PIBF1: variants seen among roughly 807,000 people sequenced by gnomAD.
PIBF1 encodes progesterone immunomodulatory binding factor 1.
In PIBF1, 90 loss-of-function variants were observed where a neutral mutation model predicts 112.5. The ratio of observed to expected loss-of-function variants is 0.80; its 90% CI spans 0.67 to 0.95. PIBF1 has a LOEUF of 0.95. Ranked by LOEUF, PIBF1 falls within the 40% of genes least tolerant of loss-of-function variation. The pLI is 0.00. For synonymous variants in PIBF1, 301 were observed against 288.6 expected (o/e 1.04, Z -0.44); for missense variants, 915 against 852.3 (o/e 1.07, Z -0.92).
intron 9 of PIBF1, 115 bp downstream of exon 9, chr13:72,835,483 ACTT>A (rs2037316422): frequency 2.7e-6 from 2 of 744,456 alleles, no homozygotes; most frequent in African/African-American, 1.9e-5. Flanking sequence ...ATTAGAGAAA[ACTT>A]GTCATAAATT....
At chr13:72,842,442 A>C (rs746505003) in intron 9 of PIBF1, among the ~76,000 whole-genome samples, 9 of 152,192 alleles carry the variant, frequency 5.9e-5, no homozygotes, top group Non-Finnish European at 1.3e-4. Context: ...TAGTGATTTT[A>C]TTTTCCTGCC....
chr13:72,895,609 G>C (rs1180662940), intron 11 of PIBF1, among the ~76,000 whole-genome samples: 1 of 152,078 alleles, frequency 6.6e-6, no homozygotes, highest in African/African-American at 2.4e-5. Context: ...AGATAGGTCT[G>C]TGTGTTGTTT....
intron 10 of PIBF1, among the ~76,000 whole-genome samples, chr13:72,877,991 C>A (rs201864109): frequency 1.3e-5 from 2 of 152,086 alleles, no homozygotes; most frequent in South Asian, 4.2e-4. Flanking sequence ...TCAGGTGATC[C>A]GCCCACCTCG....
intron 15 of PIBF1, chr13:72,970,849 C>T (rs931696322): frequency 8.6e-5 from 13 of 151,910 alleles, no homozygotes; most frequent in African/African-American, 1.9e-4. Flanking sequence ...CCCTGTGGTT[C>T]GAGTATATTA....
At chr13:72,885,961 C>G (rs1316022169) in intron 10 of PIBF1, among the ~76,000 whole-genome samples, 1 of 152,140 alleles carries the variant, frequency 6.6e-6, no homozygotes, top group Admixed American at 6.6e-5. Flanking sequence ...TTTCAGAACA[C>G]TAATTTGGAT....
At position 72,799,383 on chromosome 13, in the gene PIBF1, G is replaced by A. The variant is rs527856468; in HGVS notation, c.672+1357G>A. ...GATAATTTACTTAAGTCTTGCCATA[G>A]AACCAATATTTCAGACAAAATAAGA... On this transcript the variant is annotated intron_variant, in intron 5 of 17. Coordinates refer to ENST00000326291, the MANE Select transcript of PIBF1 (RefSeq NM_006346.4). 3.3e-5 allele frequency among the ~76,000 whole-genome samples: 5 copies of A among 152,218 alleles called. No individual in the cohort carries two copies. The East Asian group carries it at 9.6e-4, about 29-fold the overall frequency.
At chr13:72,885,045 A>C (rs2039790116) in intron 10 of PIBF1, among the ~76,000 whole-genome samples, 1 of 152,124 alleles carries the variant, frequency 6.6e-6, no homozygotes, top group Non-Finnish European at 1.5e-5. Flanking sequence ...ATTGTGTATA[A>C]AATTTGTAAT....
At chr13:72,856,637 C>T (rs984963132) in intron 10 of PIBF1, among the ~76,000 whole-genome samples, 18 of 152,022 alleles carry the variant, frequency 1.2e-4, no homozygotes, top group African/African-American at 4.3e-4. Flanking sequence ...TCAAAATAAG[C>T]TTAGGCTTTA....
chr13:72,973,576 G>GTT lies in PIBF1; in HGVS notation c.1965-15_1965-14insTT. On this transcript the variant is annotated splice_polypyrimidine_tract_variant and intron_variant, in intron 15 of 17. Transcript: ENST00000326291. The stretch of plus-strand genomic sequence containing the variant: ...TAACATAATGACTTTTTAAAACTGG[G>GTT]GTTTTTTTTTTCAGCAACTTAAATA... The GTT allele has an allele frequency of 7.2e-7, 1 of 1,395,252 alleles. No individual in the cohort carries two copies. The highest frequency in any genetic ancestry group is 1.3e-5 in the South Asian group (1 of 77,570). The allele number at this position is 1,395,252 out of a possible 1,614,324, so 86.4% of individuals were successfully genotyped here.
chr13:73,001,712 C>T (rs769290547), intron 17 of PIBF1, among the ~76,000 whole-genome samples: 27 of 148,862 alleles, frequency 1.8e-4, no homozygotes, highest in Non-Finnish European at 3.7e-4. Flanking sequence ...CAACCTCTGC[C>T]TCCCAGGTTC....
chr13:72,854,349 T>A (rs2038315647), intron 10 of PIBF1, among the ~76,000 whole-genome samples, 194 bp downstream of exon 10: 1 of 152,246 alleles, frequency 6.6e-6, no homozygotes, highest in Admixed American at 6.5e-5. Context: ...TGCAATTGCT[T>A]TATTTTTACA....
chr13:72,891,225 C>T (rs1348557182), intron 10 of PIBF1, among the ~76,000 whole-genome samples: 1 of 152,014 alleles, frequency 6.6e-6, no homozygotes, highest in Non-Finnish European at 1.5e-5. Flanking sequence ...TTGGAGTTGG[C>T]AGTGATATCC....
chr13:72,811,723 A>G (rs1205037797), intron 5 of PIBF1, among the ~76,000 whole-genome samples: 1 of 152,166 alleles, frequency 6.6e-6, no homozygotes, highest in Non-Finnish European at 1.5e-5. Context: ...ATTACGTTAC[A>G]ACTTGGACTT....
intron 10 of PIBF1, among the ~76,000 whole-genome samples, chr13:72,891,146 A>G (rs998846053): frequency 6.6e-6 from 1 of 152,136 alleles, no homozygotes; most frequent in Non-Finnish European, 1.5e-5. Flanking sequence ...TAGTGCCAAA[A>G]GTAACTTTCA....
chr13:72,799,663 T>C (rs533062420), intron 5 of PIBF1, among the ~76,000 whole-genome samples: 4 of 152,364 alleles, frequency 2.6e-5, no homozygotes, highest in Admixed American at 1.3e-4. Flanking sequence ...AAATCATTTA[T>C]ACTCTATTGT....
At chr13:72,951,582 G>A (rs972345407) in intron 14 of PIBF1, among the ~76,000 whole-genome samples, 3 of 152,132 alleles carry the variant, frequency 2.0e-5, no homozygotes, top group South Asian at 4.1e-4. Context: ...AAAGGGCTAC[G>A]TACGGTATGA....
At chr13:72,818,604 C>G (rs1367473885) in intron 5 of PIBF1, among the ~76,000 whole-genome samples, 1 of 150,424 alleles carries the variant, frequency 6.6e-6, no homozygotes, top group Non-Finnish European at 1.5e-5. Flanking sequence ...ATTTCCAATC[C>G]ATATAATTTG....
intron 3 of PIBF1, among the ~76,000 whole-genome samples, chr13:72,794,240 T>C (rs558707208): frequency 1.1e-4 from 16 of 152,266 alleles, no homozygotes; most frequent in Middle Eastern, 3.4e-3. Context: ...TGAGATTTCA[T>C]TGGAGACAGT....
chr13:72,978,128 A>G (rs919021406), intron 16 of PIBF1, among the ~76,000 whole-genome samples: 12 of 152,202 alleles, frequency 7.9e-5, no homozygotes, highest in Admixed American at 2.6e-4. Context: ...TTCATAAAGC[A>G]GAGGGGGAAA....
Sources: allele counts gnomAD v4.1 joint callset (sites outside exome capture counted in the v4.1 genomes callset), GRCh38; gene constraint gnomAD v4.1.1; transcripts MANE v1.5; gene names NCBI Gene and HGNC (gene_info 2026-07-23, HGNC 2026-07-21).